The following DLGAP2 variants were observed in gnomAD, a reference collection of about 807,000 sequenced individuals.
The protein encoded by DLGAP2 is DLG associated protein 2, also known as disks large-associated protein 2.
DLGAP2 carries 26 observed loss-of-function variants against 100.3 expected under a neutral mutation model. That is an observed-to-expected ratio of 0.26 (90% CI 0.19 to 0.36). The LOEUF (loss-of-function observed/expected upper bound fraction) is 0.36. Among genes scored for constraint, DLGAP2 ranks in the 10% least tolerant of loss-of-function variants. The pLI is 1.00. For missense variants in DLGAP2, 1,858 were observed against 1,453.2 expected (o/e 1.28, Z -4.53); for synonymous variants, 886 against 630.1 (o/e 1.41, Z -6.08).
intron 1 of DLGAP2, among the ~76,000 whole-genome samples, chr8:790,219 G>T (rs533510992): frequency 6.6e-6 from 1 of 152,294 alleles, no homozygotes; most frequent in South Asian, 2.1e-4. Flanking sequence ...GGTAAAGGAG[G>T]CTTGAGGCAG....
chr8:1,492,679 C>T (rs1222514758), intron 3 of DLGAP2, among the ~76,000 whole-genome samples: 2 of 152,232 alleles, frequency 1.3e-5, no homozygotes, highest in Non-Finnish European at 2.9e-5. Context: ...CAGCCGGAGG[C>T]AGAGGGGCCG....
intron 3 of DLGAP2, among the ~76,000 whole-genome samples, chr8:1,490,397 C>T (rs565652813): frequency 1.3e-5 from 2 of 152,280 alleles, no homozygotes; most frequent in African/African-American, 2.4e-5. Flanking sequence ...TCAGACAATA[C>T]GTCAGCTAAA....
At chr8:945,690 T>G (rs577591570) in intron 2 of DLGAP2, among the ~76,000 whole-genome samples, 1 of 152,336 alleles carries the variant, frequency 6.6e-6, no homozygotes, top group South Asian at 2.1e-4. Flanking sequence ...TTGAGTCATT[T>G]CTTTAGCAGC....
At chr8:1,538,618 G>T (rs1034497552) in intron 4 of DLGAP2, among the ~76,000 whole-genome samples, 1 of 152,044 alleles carries the variant, frequency 6.6e-6, no homozygotes, top group Non-Finnish European at 1.5e-5. Context: ...CTCCTCCCCC[G>T]CTCCCATGCT....
chr8:1,372,519 A>G (rs1484403471), intron 3 of DLGAP2, among the ~76,000 whole-genome samples: 3 of 152,000 alleles, frequency 2.0e-5, no homozygotes, highest in Non-Finnish European at 4.4e-5. Context: ...ATTCCTCTTC[A>G]TGGGCACCGT....
intron 2 of DLGAP2, among the ~76,000 whole-genome samples, chr8:1,212,758 TC>T (rs1422004663): frequency 1.4e-5 from 2 of 147,586 alleles, no homozygotes; most frequent in East Asian, 4.0e-4. Context: ...TCTCTCTCTC[TC>T]TTCCCCCCCG....
At chr8:1,324,895 C>T (rs1196151622) in intron 3 of DLGAP2, among the ~76,000 whole-genome samples, 1 of 152,194 alleles carries the variant, frequency 6.6e-6, no homozygotes, top group Non-Finnish European at 1.5e-5. Context: ...AAGGAAGACT[C>T]CACAAGCCTC....
At chr8:909,252 T>G (rs1798438599) in intron 2 of DLGAP2, among the ~76,000 whole-genome samples, 2 of 152,184 alleles carry the variant, frequency 1.3e-5, no homozygotes, top group South Asian at 4.1e-4. Context: ...TGAGTAAAAA[T>G]GTATGAAAAA....
chr8:894,447 A>T (rs985114342), intron 1 of DLGAP2, among the ~76,000 whole-genome samples: 4 of 151,940 alleles, frequency 2.6e-5, no homozygotes, highest in African/African-American at 9.7e-5. Context: ...ATTTAGCCTT[A>T]AAAAAGAATG....
chr8:1,052,182 C>T (rs1415869040), intron 2 of DLGAP2, among the ~76,000 whole-genome samples: 2 of 152,194 alleles, frequency 1.3e-5, no homozygotes, highest in African/African-American at 4.8e-5. Context: ...GCCGCCCTTC[C>T]TGGGCCTGCC....
chr8:922,586 T>C (rs1245138629), intron 2 of DLGAP2, among the ~76,000 whole-genome samples: 1 of 152,174 alleles, frequency 6.6e-6, no homozygotes, highest in Non-Finnish European at 1.5e-5. Flanking sequence ...TCTGGGATGG[T>C]TTTGTGGGAG....
At chr8:1,146,263 A>G (rs1343912834) in intron 2 of DLGAP2, among the ~76,000 whole-genome samples, 1 of 152,202 alleles carries the variant, frequency 6.6e-6, no homozygotes, top group Non-Finnish European at 1.5e-5. Flanking sequence ...TTTATCTGCC[A>G]TCTGATATCG....
At chr8:1,560,942 T>C (rs1366602208) in intron 5 of DLGAP2, among the ~76,000 whole-genome samples, 1 of 152,188 alleles carries the variant, frequency 6.6e-6, no homozygotes, top group African/African-American at 2.4e-5. Context: ...GACCATGTCA[T>C]TAATACCCGA....
chr8:1,042,788 G>A (rs1483617968), intron 2 of DLGAP2, among the ~76,000 whole-genome samples: 2 of 138,864 alleles, frequency 1.4e-5, no homozygotes, highest in African/African-American at 5.3e-5. Context: ...TGTGGGTGGT[G>A]GGTGTGGGTG....
intron 2 of DLGAP2, among the ~76,000 whole-genome samples, chr8:1,206,887 C>T (rs994455476): frequency 1.3e-5 from 2 of 152,270 alleles, no homozygotes; most frequent in South Asian, 4.2e-4. Flanking sequence ...CATCCCTGTC[C>T]CCGGTCTGCC....
chr8:1,523,879 A>G (rs1489947061), intron 4 of DLGAP2, among the ~76,000 whole-genome samples: 1 of 152,218 alleles, frequency 6.6e-6, no homozygotes, highest in Non-Finnish European at 1.5e-5. Flanking sequence ...GTAACCGCAT[A>G]GAATTTCACT....
Position 1,565,793 on chromosome 8 carries a change from C to A in DLGAP2, c.1341C>A (p.Ser447Arg). ...SYIKAMGDEE[S>R]GESDSSPKTS... ...TTAAAGCCATGGGGGACGAGGAGAG[C>A]GGAGAGTCAGACTCCAGCCCCAAGA... is the stretch of plus-strand genomic sequence containing the variant. The change falls in exon 6 of 15, where the codon AGC (serine) becomes AGA (arginine). Residue 447 changes from serine (S) to arginine (R), a missense_variant. Coordinates refer to ENST00000637795, the MANE Select transcript of DLGAP2 (RefSeq NM_001346810.2). 1 of 1,613,742 alleles carries A rather than the reference C, an allele frequency of 6.2e-7. No homozygotes were observed. The highest frequency in any genetic ancestry group is 8.5e-7 in the Non-Finnish European group (1 of 1,179,816).
At chr8:1,235,580 A>G (rs62486954) in intron 2 of DLGAP2, among the ~76,000 whole-genome samples, 800 of 13,740 alleles carry the variant, frequency 0.058, 52 homozygotes, top group African/African-American at 0.21. Context: ...ACATGGCACC[A>G]TGTCTAGTTC....
intron 3 of DLGAP2, among the ~76,000 whole-genome samples, chr8:1,498,022 C>G (rs1799600595): frequency 6.6e-6 from 1 of 152,192 alleles, no homozygotes; most frequent in Non-Finnish European, 1.5e-5. Flanking sequence ...CCATTGGTCA[C>G]TACCTGTAGA....
Sources: gnomAD v4.1 joint callset for allele counts (sites outside exome capture counted in the v4.1 genomes callset) on GRCh38, gnomAD v4.1.1 for gene constraint, MANE v1.5 for transcripts, NCBI Gene and HGNC (gene_info 2026-07-23, HGNC 2026-07-21) for gene names.